Variants in DCAF16 observed in about 807,000 individuals in gnomAD.
The protein encoded by DCAF16 is DDB1 and CUL4 associated factor 16.
Under a neutral mutation model 17.3 loss-of-function variants are expected in DCAF16, and 10 were observed. That is an observed-to-expected ratio of 0.58 (90% CI 0.36 to 0.98). The LOEUF (loss-of-function observed/expected upper bound fraction) is 0.98, where lower values mean the gene tolerates loss of function less well. DCAF16 is among the 50% of genes least tolerant of loss of function. DCAF16 has a pLI of 0.01. For synonymous variants in DCAF16, 111 were observed against 92.8 expected (o/e 1.20, Z -1.12); for missense variants, 249 against 247.6 (o/e 1.01, Z -0.04).
At chr4:17,809,493 A>G (rs1474271038) in intron 1 of DCAF16, 1 of 152,240 alleles carries the variant, frequency 6.6e-6, no homozygotes, top group African/African-American at 2.4e-5. Context: ...AGATATAGAA[A>G]GCTGCATGGT....
intron 1 of DCAF16, among the ~76,000 whole-genome samples, chr4:17,808,436 C>T (rs1304736949): frequency 6.6e-6 from 1 of 152,024 alleles, no homozygotes; most frequent in Admixed American, 6.6e-5. Context: ...TCTTACTTTC[C>T]CATAATTGTT....
Position 17,810,715 on chromosome 4 carries a change from T to A in DCAF16, c.-1018A>T, listed in dbSNP as rs1720850483. The A allele has an allele frequency of 5.4e-6, 1 of 186,466 alleles. No individual in the cohort carries two copies. The highest frequency in any genetic ancestry group is 6.2e-5 in the Admixed American group (1 of 16,184). 11.6% of individuals were successfully genotyped at this position (186,466 alleles called of 1,614,324 possible). On this transcript the variant is annotated 5_prime_UTR_variant, in exon 1 of 3. Coordinates refer to ENST00000382247, the MANE Select transcript of DCAF16 (RefSeq NM_017741.4). ...AACGCCAGCAGCCCTTCCCCTCCGG[T>A]GGCAAGGCCACTCCGCTCAGCTCCC...
the DCAF16 span, among the ~76,000 whole-genome samples, chr4:17,794,760 T>C: frequency 6.6e-6 from 1 of 152,202 alleles, no homozygotes; most frequent in African/African-American, 2.4e-5. Flanking sequence ...AAGACTCCAA[T>C]TTGCCTATAC....
In DCAF16 at chr4:17,800,811, T is replaced by G. The variant is rs1719694309; in HGVS notation, c.*2680A>C. The G allele has an allele frequency of 6.6e-6, 1 of 152,548 alleles. No individual in the cohort carries two copies. Among genetic ancestry groups the G allele is most frequent in the South Asian group, 2.1e-4 (1 of 4,818 alleles). The allele number at this position is 152,548 out of a possible 1,614,324, so 9.4% of individuals were successfully genotyped here. Reference sequence around the variant, plus strand: ...TATGAACACATGAACATAAACATATTTTAATATTCAGACCTCTTCCCTACC... The same window carrying G: ...TATGAACACATGAACATAAACATATGTTAATATTCAGACCTCTTCCCTACC... On this transcript the variant is annotated 3_prime_UTR_variant, in exon 3 of 3. Transcript: ENST00000382247.
chr4:17,805,570 T>C (rs1486355412), intron 1 of DCAF16, among the ~76,000 whole-genome samples: 2 of 152,216 alleles, frequency 1.3e-5, no homozygotes, highest in Non-Finnish European at 2.9e-5. Flanking sequence ...TTTACCAAAC[T>C]AGAAAGAGAA....
chr4:17,797,618 A>T (rs2109009706), downstream of DCAF16, among the ~76,000 whole-genome samples: 1 of 152,332 alleles, frequency 6.6e-6, no homozygotes, highest in Admixed American at 6.5e-5. Context: ...CAATTGATTC[A>T]GAAATTAGAG....
chr4:17,808,631 C>T (rs1004337613), intron 1 of DCAF16, among the ~76,000 whole-genome samples: 2 of 151,376 alleles, frequency 1.3e-5, no homozygotes, highest in African/African-American at 2.4e-5. Flanking sequence ...AAAAACTAAC[C>T]GAAATATAGT....
At chr4:17,794,414 G>C in the DCAF16 span, among the ~76,000 whole-genome samples, 4 of 152,060 alleles carry the variant, frequency 2.6e-5, no homozygotes, top group African/African-American at 9.7e-5. Flanking sequence ...CTCCATTTGT[G>C]CTGTCATGTT....
the DCAF16 span, among the ~76,000 whole-genome samples, chr4:17,795,143 G>A: frequency 6.6e-6 from 1 of 152,166 alleles, no homozygotes; most frequent in African/African-American, 2.4e-5. Context: ...TGGATTATTT[G>A]AGTACAAAAT....
chr4:17,803,567 G>C lies in DCAF16; in HGVS notation c.575C>G (p.Thr192Ser). 6.2e-7 allele frequency: 1 copy of C among 1,614,144 alleles called. No individual in the cohort carries two copies. Among genetic ancestry groups the C allele is most frequent in the African/African-American group, 1.3e-5 (1 of 75,056 alleles). ...LTKTVKETTR[T>S]EPINTTYSYT... is the part of the protein sequence containing the mutation. ...AGAATAAGTAGTGTTGATGGGTTCA[G>C]TACGAGTTGTTTCCTTAACTGTTTT... The change falls in exon 3 of 3, where the codon ACT (threonine) becomes AGT (serine). Residue 192 changes from threonine (T) to serine (S), a missense_variant. Transcript: ENST00000382247.
chr4:17,798,521 A>G (rs113241654), downstream of DCAF16, among the ~76,000 whole-genome samples: 39,416 of 151,836 alleles, frequency 0.26, 6,979 homozygotes, highest in African/African-American at 0.5. Context: ...GCTTGAGCCC[A>G]GGAGGTCGAG....
At chr4:17,798,189 C>T (rs1449924143), downstream of DCAF16, among the ~76,000 whole-genome samples, 1 of 152,158 alleles carries the variant, frequency 6.6e-6, no homozygotes, top group Non-Finnish European at 1.5e-5. Flanking sequence ...AAATAAACTG[C>T]CCAAATTCCA....
At chr4:17,794,064 T>C in the DCAF16 span, among the ~76,000 whole-genome samples, 1 of 152,166 alleles carries the variant, frequency 6.6e-6, no homozygotes, top group South Asian at 2.1e-4. Context: ...GAATATATTA[T>C]GGACCAGCCA....
chr4:17,807,597 A>G (rs1339773911), intron 1 of DCAF16, among the ~76,000 whole-genome samples: 1 of 152,248 alleles, frequency 6.6e-6, no homozygotes, highest in Non-Finnish European at 1.5e-5. Flanking sequence ...AAATTCCCGT[A>G]TGAACAACAT....
rs1021402083 is a variant in DCAF16, at chr4:17,800,771, G to A, written c.*2720C>T. ...AGGCACTTTTATACACACACAGAGAGAAAAAGGAACGTATTATGAACACAT... is the reference window on the plus strand; with the variant it reads ...AGGCACTTTTATACACACACAGAGAAAAAAAGGAACGTATTATGAACACAT... On this transcript the variant is annotated 3_prime_UTR_variant, in exon 3 of 3. Transcript: ENST00000382247. 3 of 152,462 alleles carry A rather than the reference G, an allele frequency of 2.0e-5. No individual in the cohort carries two copies. Among genetic ancestry groups the A allele is most frequent in the Non-Finnish European group, 4.4e-5 (3 of 68,000 alleles). The allele number at this position is 152,462 out of a possible 1,614,324, so 9.4% of individuals were successfully genotyped here. A position where few individuals can be genotyped will look rare whatever the true frequency, so the allele number is the denominator to read the frequency against.
chr4:17,797,611 T>C (rs1719488308), downstream of DCAF16, among the ~76,000 whole-genome samples: 2 of 152,188 alleles, frequency 1.3e-5, no homozygotes, highest in African/African-American at 2.4e-5. Flanking sequence ...CAGCTTTCAA[T>C]TGATTCAGAA....
In DCAF16 at chr4:17,803,507, A is replaced by AG; in HGVS notation, c.634dup (p.Leu212ProfsTer13). 6.2e-7 allele frequency: 1 copy of AG among 1,613,794 alleles called. No individual in the cohort carries two copies. The highest frequency in any genetic ancestry group is 8.5e-7 in the Non-Finnish European group (1 of 1,179,664). ...GGTAGATCTTTACAGTGATGCAGTT[A>AG]GGAGTTTGTTAACTGCCTTTTGGAA... On this transcript the variant is annotated frameshift_variant, in exon 3 of 3. Coordinates refer to ENST00000382247, the MANE Select transcript of DCAF16 (RefSeq NM_017741.4). LOFTEE classifies it high-confidence loss of function.
chr4:17,809,304 A>G (rs1270043897), intron 1 of DCAF16: 1 of 152,222 alleles, frequency 6.6e-6, no homozygotes, highest in East Asian at 1.9e-4. Context: ...GGCACATAAT[A>G]AAGGTTAATT....
chr4:17,799,312 A>C (rs1217190988), downstream of DCAF16, among the ~76,000 whole-genome samples: 1 of 152,162 alleles, frequency 6.6e-6, no homozygotes, highest in Non-Finnish European at 1.5e-5. Flanking sequence ...CATATGGATT[A>C]GGGTTTAGGT....
Sources: gnomAD v4.1 joint callset for allele counts (sites outside exome capture counted in the v4.1 genomes callset) on GRCh38, gnomAD v4.1.1 for gene constraint, MANE v1.5 for transcripts, NCBI Gene and HGNC (gene_info 2026-07-23, HGNC 2026-07-21) for gene names.